Variants in KCNJ6 observed in about 807,000 individuals in gnomAD.
KCNJ6 encodes the protein G protein-activated inward rectifier potassium channel 2.
KCNJ6 carries 9 observed loss-of-function variants against 34.2 expected under a neutral mutation model. The ratio of observed to expected loss-of-function variants is 0.26; its 90% CI spans 0.16 to 0.46. KCNJ6 has a LOEUF of 0.46. Among genes scored for constraint, KCNJ6 ranks in the 20% least tolerant of loss-of-function variants. The pLI is 1.00. For missense variants in KCNJ6, 236 were observed against 531.3 expected (o/e 0.44, Z 5.46); for synonymous variants, 196 against 207.1 (o/e 0.95, Z 0.46).
chr21:37,724,268 T>G (rs2054842440), intron 2 of KCNJ6, among the ~76,000 whole-genome samples: 2 of 152,216 alleles, frequency 1.3e-5, no homozygotes, highest in Non-Finnish European at 2.9e-5. Context: ...CGGTAAATAC[T>G]TTTGCTTAGT....
intron 1 of KCNJ6, among the ~76,000 whole-genome samples, chr21:37,871,956 A>G (rs895325789): frequency 3.3e-5 from 5 of 152,252 alleles, no homozygotes; most frequent in Admixed American, 2.6e-4. Flanking sequence ...TTGATTTTTC[A>G]TAAGTTAAAT....
At chr21:37,642,606 TA>T (rs377655127) in intron 3 of KCNJ6, among the ~76,000 whole-genome samples, 114 of 151,838 alleles carry the variant, frequency 7.5e-4, no homozygotes, top group African/African-American at 2.4e-3. Context: ...ACCCCGAAGA[TA>T]GGGGAGAAGG....
In KCNJ6 at chr21:37,875,823, C is replaced by T. The variant is rs138058318; in HGVS notation, c.-27-35114G>A. On this transcript the variant is annotated intron_variant, in intron 1 of 3. Coordinates refer to ENST00000609713, the MANE Select transcript of KCNJ6 (RefSeq NM_002240.5). ...GGTGTTTCCATACAAGGAACACCTC[C>T]GGTGGGCCTCTCAGCCCCTCATTTA... 2.9e-3 allele frequency among the ~76,000 whole-genome samples: 448 copies of T among 152,308 alleles called. 4 individuals are homozygous for T. The highest frequency in any genetic ancestry group is 0.011 in the African/African-American group (440 of 41,568).
chr21:37,827,492 T>C (rs897758283), intron 2 of KCNJ6, among the ~76,000 whole-genome samples: 1 of 151,570 alleles, frequency 6.6e-6, no homozygotes, highest in African/African-American at 2.4e-5. Flanking sequence ...AATGGAAATT[T>C]ATAAAATCAT....
At chr21:37,627,206 G>C (rs2054315168) in intron 3 of KCNJ6, among the ~76,000 whole-genome samples, 1 of 152,216 alleles carries the variant, frequency 6.6e-6, no homozygotes, top group Admixed American at 6.5e-5. Context: ...AGCTGTCAGA[G>C]CCTGAGCCAG....
At chr21:37,658,922 C>G (rs1341210515) in intron 3 of KCNJ6, among the ~76,000 whole-genome samples, 1 of 152,242 alleles carries the variant, frequency 6.6e-6, no homozygotes, top group African/African-American at 2.4e-5. Flanking sequence ...TCCCACACTT[C>G]AAAACATTAA....
Position 37,776,606 on chromosome 21 carries a change from T to A in KCNJ6, c.26-61475A>T, listed in dbSNP as rs527791691. Among the ~76,000 whole-genome samples, 6 of 152,320 alleles carry A rather than the reference T, an allele frequency of 3.9e-5. No homozygotes were observed. The South Asian group carries it at 1.2e-3, about 32-fold the overall frequency. On this transcript the variant is annotated intron_variant, in intron 2 of 3. Transcript: ENST00000609713. ...GCCTTTTCTGCATCTATTGAGATAA[T>A]CACGTGGTTTTTGTCATTGGTTCTG... is the stretch of plus-strand genomic sequence containing the variant.
Position 37,610,753 on chromosome 21 carries a change from AG to A in KCNJ6, c.*14405del, listed in dbSNP as rs1233579453. 6.6e-6 allele frequency: 1 copy of A among 152,158 alleles called. No homozygotes were observed. The highest frequency in any genetic ancestry group is 1.5e-5 in the Non-Finnish European group (1 of 68,030). 9.4% of individuals were successfully genotyped at this position (152,158 alleles called of 1,614,324 possible). ...CACACGTGTAAATATCATGGGTCAA[AG>A]AAGAAATCTCAAGATAAGTGAAAAA... is the stretch of plus-strand genomic sequence containing the variant. On this transcript the variant is annotated 3_prime_UTR_variant, in exon 4 of 4. Coordinates refer to ENST00000609713, the MANE Select transcript of KCNJ6 (RefSeq NM_002240.5).
At chr21:37,806,555 T>A (rs564288060) in intron 2 of KCNJ6, among the ~76,000 whole-genome samples, 2 of 152,310 alleles carry the variant, frequency 1.3e-5, no homozygotes, top group African/African-American at 4.8e-5. Context: ...TGAGGAGATT[T>A]ATTGATCAGA....
chr21:37,699,627 A>G (rs2054680474), intron 3 of KCNJ6, among the ~76,000 whole-genome samples: 1 of 152,188 alleles, frequency 6.6e-6, no homozygotes, highest in Non-Finnish European at 1.5e-5. Context: ...CTGCTCTTGG[A>G]GTCCAATCTC....
intron 1 of KCNJ6, among the ~76,000 whole-genome samples, chr21:37,879,485 C>G (rs963679772): frequency 3.9e-5 from 6 of 152,144 alleles, no homozygotes; most frequent in Non-Finnish European, 7.3e-5. Flanking sequence ...ATACTGGCTA[C>G]TCCCAGCTCC....
chr21:37,784,682 C>T (rs2055184854), intron 2 of KCNJ6, among the ~76,000 whole-genome samples: 1 of 152,012 alleles, frequency 6.6e-6, no homozygotes, highest in Non-Finnish European at 1.5e-5. Flanking sequence ...CACCCCTCTG[C>T]TTGGGGGCCC....
chr21:37,770,955 A>T (rs1423626470), intron 2 of KCNJ6, among the ~76,000 whole-genome samples: 1 of 152,188 alleles, frequency 6.6e-6, no homozygotes, highest in Non-Finnish European at 1.5e-5. Context: ...AAAGTGTAGA[A>T]TGTCAAAGGA....
chr21:37,792,398 T>C (rs2055221165), intron 2 of KCNJ6, among the ~76,000 whole-genome samples: 1 of 152,250 alleles, frequency 6.6e-6, no homozygotes. Flanking sequence ...TGCATTTATT[T>C]CTGTGGCCGA....
chr21:37,772,909 G>C (rs1189837442), intron 2 of KCNJ6, among the ~76,000 whole-genome samples: 1 of 152,142 alleles, frequency 6.6e-6, no homozygotes, highest in East Asian at 1.9e-4. Flanking sequence ...ACTCAACAAG[G>C]ATACTGTGAA....
intron 2 of KCNJ6, among the ~76,000 whole-genome samples, chr21:37,810,662 A>G (rs559363964): frequency 6.6e-6 from 1 of 152,262 alleles, no homozygotes; most frequent in East Asian, 1.9e-4. Context: ...TCATGTGTCT[A>G]TTGACCCTTG....
intron 1 of KCNJ6, among the ~76,000 whole-genome samples, chr21:37,854,475 T>C: frequency 6.6e-6 from 1 of 152,234 alleles, no homozygotes; most frequent in Non-Finnish European, 1.5e-5. Context: ...AGTAGAACGG[T>C]AACCAGAAGC....
intron 2 of KCNJ6, among the ~76,000 whole-genome samples, chr21:37,784,859 G>C (rs1284394146): frequency 1.3e-5 from 2 of 152,130 alleles, no homozygotes; most frequent in Non-Finnish European, 2.9e-5. Flanking sequence ...TCATAAAATG[G>C]TTCTTCCAGG....
chr21:37,823,669 G>A (rs1293110122), intron 2 of KCNJ6, among the ~76,000 whole-genome samples: 2 of 152,190 alleles, frequency 1.3e-5, no homozygotes, highest in African/African-American at 4.8e-5. Context: ...ATGATTGTAA[G>A]TTTCTTGGGG....
Sources: gnomAD v4.1 joint callset for allele counts (sites outside exome capture counted in the v4.1 genomes callset) on GRCh38, gnomAD v4.1.1 for gene constraint, MANE v1.5 for transcripts, NCBI Gene and HGNC (gene_info 2026-07-23, HGNC 2026-07-21) for gene names.